Variants in PRRC2B observed in about 807,000 individuals in gnomAD.
PRRC2B encodes proline rich coiled-coil 2B.
PRRC2B carries 68 observed loss-of-function variants against 242.3 expected under a neutral mutation model. The ratio of observed to expected loss-of-function variants is 0.28; its 90% CI spans 0.23 to 0.34. The LOEUF (loss-of-function observed/expected upper bound fraction) is 0.34, where lower values mean the gene tolerates loss of function less well. Ranked by LOEUF, PRRC2B falls within the 10% of genes least tolerant of loss-of-function variation. The pLI is 1.00. For missense variants in PRRC2B, 2,835 were observed against 2,954.8 expected, an observed-to-expected ratio of 0.96 and a Z score of 0.94; for synonymous variants, 1,228 against 1,173.6, an observed-to-expected ratio of 1.05 and a Z score of -0.95.
intron 2 of PRRC2B, among the ~76,000 whole-genome samples, chr9:131,430,681 C>T (rs1229657980): frequency 4.0e-5 from 6 of 151,460 alleles, no homozygotes; most frequent in Admixed American, 3.9e-4. Context: ...CAACCTCCAC[C>T]TTCTGGGCTC....
chr9:131,451,257 G>A (rs1942906361), intron 9 of PRRC2B, among the ~76,000 whole-genome samples: 1 of 152,042 alleles, frequency 6.6e-6, no homozygotes, highest in Non-Finnish European at 1.5e-5. Context: ...AAATTAGCCG[G>A]GCGTGTTGGC....
chr9:131,444,141 G>A (rs1451921464), intron 5 of PRRC2B, 44 bp from the exon 6 acceptor site: 2 of 1,609,746 alleles, frequency 1.2e-6, no homozygotes, highest in African/African-American at 1.3e-5. Context: ...GACGACTGTT[G>A]ACTCCATCTC....
chr9:131,415,624 A>C (rs1190496864), intron 1 of PRRC2B, among the ~76,000 whole-genome samples: 1 of 152,234 alleles, frequency 6.6e-6, no homozygotes, highest in Non-Finnish European at 1.5e-5. Context: ...TGACTTGGTC[A>C]GCTGAGTATT....
At chr9:131,451,255 C>T (rs1015432786) in intron 9 of PRRC2B, among the ~76,000 whole-genome samples, 11 of 152,004 alleles carry the variant, frequency 7.2e-5, no homozygotes, top group South Asian at 2.1e-4. Context: ...AAAAATTAGC[C>T]GGGCGTGTTG....
chr9:131,400,943 C>G (rs1837211619), intron 1 of PRRC2B, among the ~76,000 whole-genome samples: 1 of 151,508 alleles, frequency 6.6e-6, no homozygotes, highest in Non-Finnish European at 1.5e-5. Flanking sequence ...TGGCCTCATC[C>G]TCTTGTGGTT....
rs559647634 is a variant in PRRC2B, at chr9:131,386,256, G to A, written c.-56+12525G>A. ...GCCTCCGGAATAGCTGGGACTGCAA[G>A]TGTGCACCAACATTCTCGGCTAATT... is the stretch of plus-strand genomic sequence containing the variant. On this transcript the variant is annotated intron_variant, in intron 1 of 1. Transcript: ENST00000682525. Among the ~76,000 whole-genome samples the A allele has an allele frequency of 4.9e-4, 73 of 150,432 alleles. 1 individual carries two copies. The highest frequency in any genetic ancestry group is 1.7e-3 in the African/African-American group (70 of 41,368).
At chr9:131,401,637 C>T (rs1191186385) in intron 1 of PRRC2B, among the ~76,000 whole-genome samples, 3 of 151,836 alleles carry the variant, frequency 2.0e-5, no homozygotes, top group Non-Finnish European at 4.4e-5. Context: ...CGGCATGAGC[C>T]ACCGTGCCTG....
chr9:131,430,115 A>C lies in PRRC2B; in HGVS notation c.-30A>C. On this transcript the variant is annotated 5_prime_UTR_variant, in exon 2 of 32. Transcript: ENST00000683519. ...GCAGATCGGGAGCGGTGCCGAGAAAAATTTCCTTACTAGATGACATTTCAT... is the reference window on the plus strand; with the variant it reads ...GCAGATCGGGAGCGGTGCCGAGAAACATTTCCTTACTAGATGACATTTCAT... 1 of 1,404,590 alleles carries C rather than the reference A, an allele frequency of 7.1e-7. No homozygotes were observed. Among genetic ancestry groups the C allele is most frequent in the South Asian group, 1.2e-5 (1 of 81,140 alleles). The allele number at this position is 1,404,590 out of a possible 1,614,324, so 87.0% of individuals were successfully genotyped here.
intron 1 of PRRC2B, among the ~76,000 whole-genome samples, chr9:131,383,622 G>C (rs909865058): frequency 4.5e-5 from 5 of 110,792 alleles, no homozygotes; most frequent in African/African-American, 1.6e-4. Flanking sequence ...TTTTTTTTGA[G>C]ACAGAGTCTC....
At chr9:131,485,806 G>C in intron 25 of PRRC2B, 1 of 700,936 alleles carries the variant, frequency 1.4e-6, no homozygotes, top group Non-Finnish European at 2.7e-6. Flanking sequence ...GGTAGTTGGT[G>C]AGTGGGAGGT....
At position 131,474,774 on chromosome 9, in the gene PRRC2B, C is replaced by T; in HGVS notation, c.2645C>T (p.Thr882Ile). The change falls in exon 16 of 32, where the codon ACA (threonine) becomes ATA (isoleucine). Residue 882 changes from threonine to isoleucine, a missense_variant. Thr to Ile is a moderately conservative substitution (Grantham distance 89, BLOSUM62 -1). Coordinates refer to ENST00000683519, the MANE Select transcript of PRRC2B (RefSeq NM_013318.4). ...AGCCACCAGCCAGAGACCGCTGACA[C>T]AGCCCATGGTGTTGAGCGGGAGACA... Reference protein sequence around the residue: ...DVSHQPETADTAHGVERETPR... With the variant: ...DVSHQPETADIAHGVERETPR... 1 of 1,612,820 alleles carries T rather than the reference C, an allele frequency of 6.2e-7. No individual in the cohort carries two copies. Among genetic ancestry groups the T allele is most frequent in the Non-Finnish European group, 8.5e-7 (1 of 1,179,724 alleles).
intron 1 of PRRC2B, among the ~76,000 whole-genome samples, chr9:131,408,721 C>CTT (rs554150264): frequency 1.4e-5 from 2 of 143,750 alleles, no homozygotes; most frequent in Non-Finnish European, 1.5e-5. Context: ...ACATTAGTAT[C>CTT]TTTTTTTTTT....
At chr9:131,407,458 A>G (rs1837396777) in intron 1 of PRRC2B, among the ~76,000 whole-genome samples, 1 of 152,034 alleles carries the variant, frequency 6.6e-6, no homozygotes, top group Non-Finnish European at 1.5e-5. Context: ...AGCTTGGCGT[A>G]CCTGGGAATG....
chr9:131,471,201 A>G (rs1943536099), intron 14 of PRRC2B, among the ~76,000 whole-genome samples: 1 of 152,228 alleles, frequency 6.6e-6, no homozygotes, highest in African/African-American at 2.4e-5. Flanking sequence ...ATCGTGTATC[A>G]TAAATTGCTT....
At chr9:131,383,346 G>A (rs1482979901) in intron 1 of PRRC2B, among the ~76,000 whole-genome samples, 2 of 152,082 alleles carry the variant, frequency 1.3e-5, no homozygotes, top group African/African-American at 4.8e-5. Flanking sequence ...AAGAATCCTG[G>A]AACAGCTCAT....
intron 9 of PRRC2B, among the ~76,000 whole-genome samples, chr9:131,451,217 G>C (rs1942904299): frequency 6.6e-6 from 1 of 152,088 alleles, no homozygotes; most frequent in Admixed American, 6.6e-5. Flanking sequence ...GGCTAACATG[G>C]TGAAACCCCG....
In PRRC2B at chr9:131,487,448, CGTT is replaced by C. The variant is rs1336214850; in HGVS notation, c.5984+158_5984+160del. ...GTTTGCTCTGAATCACTCTTCAGTC[CGTT>C]GTTAACTGTGCTCTAGGAGAGGCCT... On this transcript the variant is annotated intron_variant, in intron 27 of 31. Coordinates refer to ENST00000683519, the MANE Select transcript of PRRC2B (RefSeq NM_013318.4). The surrounding 1 kb of genome is among the most constrained non-coding windows in gnomAD (Gnocchi z 5.3). 1.3e-5 allele frequency among the ~76,000 whole-genome samples: 2 copies of C among 152,142 alleles called. No homozygotes were observed. The highest frequency in any genetic ancestry group is 2.9e-5 in the Non-Finnish European group (2 of 68,036).
At chr9:131,485,632 G>C (rs762579104) in intron 25 of PRRC2B, 1 of 533,588 alleles carries the variant, frequency 1.9e-6, no homozygotes. Flanking sequence ...TCCCCAAGGG[G>C]AAGCGTGGGG....
chr9:131,496,042 G>T lies in PRRC2B; in HGVS notation c.*168G>T. 2.2e-6 allele frequency: 2 copies of T among 922,776 alleles called. No individual in the cohort carries two copies. Among genetic ancestry groups the T allele is most frequent in the Non-Finnish European group, 3.2e-6 (2 of 630,630 alleles). 57.2% of individuals were successfully genotyped at this position (922,776 alleles called of 1,614,324 possible). Reference sequence around the variant, plus strand: ...CGAAAGCTCCGTTGTCAACCAGCTTGCACCCGTGGATATATGGCATTGACC... The same window carrying T: ...CGAAAGCTCCGTTGTCAACCAGCTTTCACCCGTGGATATATGGCATTGACC... On this transcript the variant is annotated 3_prime_UTR_variant, in exon 32 of 32. Coordinates refer to ENST00000683519, the MANE Select transcript of PRRC2B (RefSeq NM_013318.4).
Sources: gnomAD v4.1 joint callset for allele counts (sites outside exome capture counted in the v4.1 genomes callset) on GRCh38, gnomAD v4.1.1 for gene constraint, Gnocchi (gnomAD v3.1) non-coding constraint, MANE v1.5 for transcripts, NCBI Gene and HGNC (gene_info 2026-07-23, HGNC 2026-07-21) for gene names.